GRIN2B: variants seen among roughly 807,000 people sequenced by gnomAD.
GRIN2B encodes glutamate receptor ionotropic, NMDA 2B.
A neutral mutation model predicts 114.5 loss-of-function variants in GRIN2B; 5 were observed. The observed-to-expected ratio is 0.04, with a 90% CI of 0.02 to 0.09. GRIN2B has a LOEUF of 0.09. Ranked by LOEUF, GRIN2B falls within the 10% of genes least tolerant of loss-of-function variation. The pLI is 1.00. For missense variants in GRIN2B, 1,108 were observed against 1,943.5 expected (o/e 0.57, Z 8.08); for synonymous variants, 787 against 745.1 (o/e 1.06, Z -0.92).
chr12:13,768,873 A>G (rs1179784331), intron 3 of GRIN2B, among the ~76,000 whole-genome samples: 1 of 152,088 alleles, frequency 6.6e-6, no homozygotes, highest in East Asian at 1.9e-4. Flanking sequence ...TCTCTACTAA[A>G]AATACAAAAA....
intron 3 of GRIN2B, among the ~76,000 whole-genome samples, chr12:13,798,082 C>T (rs1864447723): frequency 6.6e-6 from 1 of 152,178 alleles, no homozygotes; most frequent in Non-Finnish European, 1.5e-5. Flanking sequence ...ATGCTGCTGG[C>T]CTTTAGGCCA....
intron 5 of GRIN2B, among the ~76,000 whole-genome samples, chr12:13,641,334 C>T (rs1420931523): frequency 2.0e-5 from 3 of 152,002 alleles, no homozygotes; most frequent in Non-Finnish European, 4.4e-5. Flanking sequence ...CAGCCTCCCA[C>T]AGTGCTGGGA....
intron 3 of GRIN2B, among the ~76,000 whole-genome samples, chr12:13,793,941 C>G (rs1040215432): frequency 6.6e-6 from 1 of 150,570 alleles, no homozygotes; most frequent in African/African-American, 2.4e-5. Context: ...GTGGCTCACA[C>G]CTGTAATCCC....
At chr12:13,576,525 GTACTCTT>G (rs1459627669) in intron 10 of GRIN2B, among the ~76,000 whole-genome samples, 3 of 151,352 alleles carry the variant, frequency 2.0e-5, no homozygotes, top group African/African-American at 7.3e-5. Context: ...AATGTGTATA[GTACTCTT>G]TATTTTCTTT....
At chr12:13,750,830 G>A (rs1158860570) in intron 4 of GRIN2B, among the ~76,000 whole-genome samples, 1 of 152,136 alleles carries the variant, frequency 6.6e-6, no homozygotes, top group Non-Finnish European at 1.5e-5. Flanking sequence ...CTATGGGAGG[G>A]TCACTACTCT....
chr12:13,571,220 T>C (rs894891461), intron 11 of GRIN2B, among the ~76,000 whole-genome samples: 5 of 152,112 alleles, frequency 3.3e-5, no homozygotes, highest in Non-Finnish European at 5.9e-5. Flanking sequence ...TTATCTTCCA[T>C]AGCTGTGGCT....
intron 2 of GRIN2B, among the ~76,000 whole-genome samples, chr12:13,911,877 T>C (rs992378060): frequency 6.6e-6 from 1 of 152,180 alleles, no homozygotes; most frequent in Admixed American, 6.5e-5. Flanking sequence ...AGAAAGCATT[T>C]AGCAAGAAAA....
Position 13,548,753 on chromosome 12 carries a change from T to C in GRIN2B, c.*14030A>G, listed in dbSNP as rs1224585478. ...AAGGACAAGGGAAAAATGAGATTTG[T>C]AATAGGCTTGATTTTTTTTAGATTA... On this transcript the variant is annotated 3_prime_UTR_variant, in exon 14 of 14. Coordinates refer to ENST00000609686, the MANE Select transcript of GRIN2B (RefSeq NM_000834.5). 6.6e-6 allele frequency: 1 copy of C among 151,538 alleles called. No individual in the cohort carries two copies. Among genetic ancestry groups the C allele is most frequent in the Non-Finnish European group, 1.5e-5 (1 of 67,922 alleles). 9.4% of individuals were successfully genotyped at this position (151,538 alleles called of 1,614,324 possible).
At chr12:13,698,791 T>G (rs1001727466) in intron 4 of GRIN2B, among the ~76,000 whole-genome samples, 2 of 152,202 alleles carry the variant, frequency 1.3e-5, no homozygotes, top group Admixed American at 1.3e-4. Context: ...CAAGTAACTA[T>G]CCTGCCTCAG....
intron 8 of GRIN2B, among the ~76,000 whole-genome samples, 156 bp downstream of exon 8, chr12:13,614,958 T>C (rs1409239847): frequency 1.3e-5 from 2 of 152,222 alleles, no homozygotes; most frequent in African/African-American, 2.4e-5. Flanking sequence ...TTGAGAGTAA[T>C]TGATTTTGAA....
intron 3 of GRIN2B, among the ~76,000 whole-genome samples, chr12:13,793,083 C>A (rs577938637): frequency 6.6e-6 from 1 of 152,250 alleles, no homozygotes; most frequent in South Asian, 2.1e-4. Context: ...CAGATGAACC[C>A]CAAAGCAAGT....
chr12:13,811,144 G>A (rs1439283379), intron 3 of GRIN2B, among the ~76,000 whole-genome samples: 2 of 152,190 alleles, frequency 1.3e-5, no homozygotes, highest in African/African-American at 2.4e-5. Flanking sequence ...ATAAGTGTTC[G>A]GGAAGGGGAT....
intron 3 of GRIN2B, among the ~76,000 whole-genome samples, chr12:13,769,171 G>A (rs1022909212): frequency 2.0e-5 from 3 of 152,122 alleles, no homozygotes; most frequent in South Asian, 2.1e-4. Context: ...CCTCCATGAC[G>A]TTTACCTTGC....
chr12:13,765,636 T>C (rs1863768313), intron 3 of GRIN2B, among the ~76,000 whole-genome samples: 1 of 152,242 alleles, frequency 6.6e-6, no homozygotes, highest in South Asian at 2.1e-4. Context: ...TCATTTCTTA[T>C]AGTTCTTATG....
chr12:13,961,868 T>C (rs17221245), intron 2 of GRIN2B, among the ~76,000 whole-genome samples: 21,492 of 151,954 alleles, frequency 0.14, 1,861 homozygotes, highest in East Asian at 0.25. Flanking sequence ...CTCAGGCACA[T>C]ATGAGACAAA....
At chr12:13,959,430 T>C (rs1867652536) in intron 2 of GRIN2B, among the ~76,000 whole-genome samples, 1 of 152,000 alleles carries the variant, frequency 6.6e-6, no homozygotes, top group South Asian at 2.1e-4. Context: ...CCACCGTGGA[T>C]TGGTGAGTAG....
chr12:13,682,947 T>C (rs1478311062), intron 4 of GRIN2B, among the ~76,000 whole-genome samples: 1 of 152,146 alleles, frequency 6.6e-6, no homozygotes, highest in East Asian at 1.9e-4. Flanking sequence ...AGGACTGATA[T>C]AAGAAGGTAG....
At chr12:13,799,247 C>G (rs1231346822) in intron 3 of GRIN2B, among the ~76,000 whole-genome samples, 2 of 152,174 alleles carry the variant, frequency 1.3e-5, no homozygotes, top group Non-Finnish European at 2.9e-5. Flanking sequence ...GGTCCCCACA[C>G]AGGGCCAAAG....
At chr12:13,728,682 C>T (rs1005777703) in intron 4 of GRIN2B, among the ~76,000 whole-genome samples, 1 of 152,144 alleles carries the variant, frequency 6.6e-6, no homozygotes, top group Non-Finnish European at 1.5e-5. Context: ...CCCACAGCAT[C>T]TATCACTGAC....
Sources: allele counts gnomAD v4.1 joint callset (sites outside exome capture counted in the v4.1 genomes callset), GRCh38; gene constraint gnomAD v4.1.1; transcripts MANE v1.5; gene names NCBI Gene and HGNC (gene_info 2026-07-23, HGNC 2026-07-21).